The following SCAPER variants were observed in gnomAD, a reference collection of about 807,000 sequenced individuals.
The protein encoded by SCAPER is S-phase cyclin A associated protein in the ER, also known as S phase cyclin A-associated protein in the endoplasmic reticulum.
A neutral mutation model predicts 182.2 loss-of-function variants in SCAPER; 98 were observed. That is an observed-to-expected ratio of 0.54 (90% CI 0.46 to 0.64). SCAPER has a LOEUF of 0.64. SCAPER is among the 30% of genes least tolerant of loss of function. SCAPER has a pLI of 0.00. For synonymous variants in SCAPER, 605 were observed against 564.6 expected, an observed-to-expected ratio of 1.07 and a Z score of -1.01; for missense variants, 1,432 against 1,690.0, an observed-to-expected ratio of 0.85 and a Z score of 2.68.
chr15:76,608,314 G>A lies in SCAPER; in HGVS notation c.2711+13450C>T, dbSNP rs1015940586. Among the ~76,000 whole-genome samples the A allele has an allele frequency of 1.6e-4, 24 of 152,294 alleles. 1 individual carries two copies. The highest frequency in any genetic ancestry group is 5.1e-4 in the African/African-American group (21 of 41,558). The stretch of plus-strand genomic sequence containing the variant: ...CACTGTTTGCCTGGGTATCAGCAGC[G>A]GTGGCTGCAGAACAGCGGATTTTGG... On this transcript the variant is annotated intron_variant, in intron 22 of 31. Transcript: ENST00000563290.
intron 26 of SCAPER, among the ~76,000 whole-genome samples, chr15:76,427,479 T>A (rs1487210228): frequency 6.6e-6 from 1 of 152,012 alleles, no homozygotes; most frequent in East Asian, 1.9e-4. Context: ...ACATCACTAA[T>A]CATCAAGGAA....
intron 24 of SCAPER, among the ~76,000 whole-genome samples, chr15:76,480,278 T>G (rs577897147): frequency 3.2e-4 from 49 of 152,354 alleles, no homozygotes; most frequent in African/African-American, 1.0e-3. Context: ...CATTTAGTCA[T>G]TCTCAAATTA....
chr15:76,749,349 T>A (rs2061968447), intron 15 of SCAPER, among the ~76,000 whole-genome samples: 1 of 152,084 alleles, frequency 6.6e-6, no homozygotes, highest in South Asian at 2.1e-4. Context: ...TTCCTCAATT[T>A]GATAACAAAC....
chr15:76,827,773 G>A (rs1355213189), intron 5 of SCAPER, among the ~76,000 whole-genome samples: 1 of 152,088 alleles, frequency 6.6e-6, no homozygotes, highest in Non-Finnish European at 1.5e-5. Flanking sequence ...AAATAAATCA[G>A]GAAGAAATAG....
intron 8 of SCAPER, 52 bp from the exon 9 acceptor site, chr15:76,775,169 A>G (rs762494520): frequency 5.8e-5 from 86 of 1,481,268 alleles, no homozygotes; most frequent in Non-Finnish European, 7.5e-5. Context: ...TGATAAAAAT[A>G]TTTGGAAACT....
In SCAPER at chr15:76,598,502, G is replaced by GT. The variant is rs1448263576; in HGVS notation, c.2711+23261dup. On this transcript the variant is annotated intron_variant, in intron 22 of 31. Transcript: ENST00000563290. ...TTCTACTATAAAGACACATGCACAC[G>GT]TATGTTTATTGCAGCACTTTTCACA... Among the ~76,000 whole-genome samples, 12 of 121,576 alleles carry GT rather than the reference G, an allele frequency of 9.9e-5. 4 individuals carry two copies. In the East Asian group the frequency reaches 2.6e-3, roughly 27 times the overall value. 79.8% of individuals were successfully genotyped at this position (121,576 alleles called of 152,430 possible).
At chr15:76,726,124 A>AATAAATATATATATAT (rs1555555705) in intron 17 of SCAPER, among the ~76,000 whole-genome samples, 1 of 15,348 alleles carries the variant, frequency 6.5e-5, no homozygotes, top group Non-Finnish European at 1.8e-4. Context: ...TAATGTCTAG[A>AATAAATATATATATAT]ATATATATAT....
At chr15:76,497,437 C>T (rs991265438) in intron 24 of SCAPER, among the ~76,000 whole-genome samples, 5 of 151,860 alleles carry the variant, frequency 3.3e-5, no homozygotes, top group Admixed American at 3.3e-4. Context: ...TGGCATAAAA[C>T]ATAGCTGACG....
intron 21 of SCAPER, among the ~76,000 whole-genome samples, chr15:76,638,330 T>C (rs2053815878): frequency 6.6e-6 from 1 of 152,168 alleles, no homozygotes; most frequent in South Asian, 2.1e-4. Context: ...GACACTTTTA[T>C]TTTTCCCTTT....
At chr15:76,731,686 C>T (rs1164300809) in intron 16 of SCAPER, among the ~76,000 whole-genome samples, 1 of 152,168 alleles carries the variant, frequency 6.6e-6, no homozygotes, top group South Asian at 2.1e-4. Flanking sequence ...GACTATCTAT[C>T]TCAGTATATC....
chr15:76,769,238 C>T (rs1598617256), intron 10 of SCAPER, among the ~76,000 whole-genome samples: 1 of 151,418 alleles, frequency 6.6e-6, no homozygotes, highest in Non-Finnish European at 1.5e-5. Flanking sequence ...GTCAGGATAT[C>T]GAGACCAGCC....
chr15:76,733,304 T>C lies in SCAPER; in HGVS notation c.1947A>G (p.Glu649=), dbSNP rs747819948. The C allele has an allele frequency of 6.2e-7, 1 of 1,612,706 alleles. No homozygotes were observed. The highest frequency in any genetic ancestry group is 1.7e-5 in the Admixed American group (1 of 59,886). ...CTTCCTGTAGCTCATTAAGCCTCTGTTCATATTCCTTCAATTTTGATAAAA... is the reference window on the plus strand; with the variant it reads ...CTTCCTGTAGCTCATTAAGCCTCTGCTCATATTCCTTCAATTTTGATAAAA... The part of the protein sequence containing the change: ...HDVLSKLKEY[E]QRLNELQEER... The change falls in exon 16 of 32, where the codon GAA becomes GAG. Residue 649 remains glutamate (E), a synonymous_variant. Coordinates refer to ENST00000563290, the MANE Select transcript of SCAPER (RefSeq NM_020843.4).
chr15:76,463,718 T>C (rs2049366022), intron 25 of SCAPER, among the ~76,000 whole-genome samples: 1 of 152,158 alleles, frequency 6.6e-6, no homozygotes, highest in Non-Finnish European at 1.5e-5. Context: ...TCAGTATATC[T>C]TACCAAAGTA....
chr15:76,824,224 T>C (rs1289859707), intron 5 of SCAPER, among the ~76,000 whole-genome samples: 1 of 152,360 alleles, frequency 6.6e-6, no homozygotes, highest in Non-Finnish European at 1.5e-5. Context: ...GAAAGTAATG[T>C]TATAGGCATT....
chr15:76,696,597 C>T (rs1382692623), intron 20 of SCAPER, among the ~76,000 whole-genome samples: 6 of 151,812 alleles, frequency 4.0e-5, no homozygotes, highest in Admixed American at 3.9e-4. Context: ...GAAAAAAAAC[C>T]TTTTAAATTC....
intron 5 of SCAPER, among the ~76,000 whole-genome samples, chr15:76,833,831 C>T (rs1344831777): frequency 1.3e-5 from 2 of 152,122 alleles, no homozygotes; most frequent in African/African-American, 4.8e-5. Flanking sequence ...CATATATGTA[C>T]CCAACATTAG....
chr15:76,746,585 T>G (rs981949951), intron 15 of SCAPER, among the ~76,000 whole-genome samples: 1 of 152,202 alleles, frequency 6.6e-6, no homozygotes, highest in African/African-American at 2.4e-5. Context: ...CAAAACAAAC[T>G]ATATTTGCAG....
rs1200641633 is a variant in SCAPER, at chr15:76,650,351, TA to T, written c.2645+15301del. Among the ~76,000 whole-genome samples, 8 of 151,910 alleles carry T rather than the reference TA, an allele frequency of 5.3e-5. No homozygotes were observed. The East Asian group carries it at 1.5e-3, about 29-fold the overall frequency. ...AAGATACTATGCAAAAAACAAATTT[TA>T]AAAAATAGAAATAATGCTATTAATA... On this transcript the variant is annotated intron_variant, in intron 21 of 31. Coordinates refer to ENST00000563290, the MANE Select transcript of SCAPER (RefSeq NM_020843.4).
At chr15:76,416,377 T>C (rs1254177892) in intron 26 of SCAPER, among the ~76,000 whole-genome samples, 3 of 151,346 alleles carry the variant, frequency 2.0e-5, no homozygotes, top group African/African-American at 2.4e-5. Flanking sequence ...TAATCCCAGC[T>C]ACTCAGGAGG....
Sources: allele counts gnomAD v4.1 joint callset (sites outside exome capture counted in the v4.1 genomes callset), GRCh38; gene constraint gnomAD v4.1.1; transcripts MANE v1.5; gene names NCBI Gene and HGNC (gene_info 2026-07-23, HGNC 2026-07-21).